Variants in ESCO1 observed in about 807,000 individuals in gnomAD.
The protein encoded by ESCO1 is N-acetyltransferase ESCO1.
Under a neutral mutation model 83.5 loss-of-function variants are expected in ESCO1, and 33 were observed. The ratio of observed to expected loss-of-function variants is 0.40; its 90% CI spans 0.30 to 0.53. ESCO1 has a LOEUF of 0.53. Among genes scored for constraint, ESCO1 ranks in the 20% least tolerant of loss-of-function variants. The probability of loss-of-function intolerance (pLI) is 0.63; values close to 1 mark genes in which losing one functional copy is unlikely to be tolerated. For synonymous variants in ESCO1, 332 were observed against 324.3 expected (o/e 1.02, Z -0.25); for missense variants, 855 against 968.0 (o/e 0.88, Z 1.55).
chr18:21,574,641 G>A lies in ESCO1; in HGVS notation c.203C>T (p.Thr68Ile). Residue 68 changes from threonine to isoleucine, a missense_variant, in exon 4 of 12, where the codon ACA becomes ATA. Physicochemically the swap from Thr to Ile is moderately conservative, Grantham distance 89. Transcript: ENST00000269214. ...ATTAGATGCTGCCTTTGATGACCTTGTACTCATGCGTGTTTCCAATTCTGG... is the reference window on the plus strand; with the variant it reads ...ATTAGATGCTGCCTTTGATGACCTTATACTCATGCGTGTTTCCAATTCTGG... ...NQPELETRMS[T>I]RSSKAASNDK... The A allele has an allele frequency of 2.5e-6, 4 of 1,613,848 alleles. No homozygotes were observed. Among genetic ancestry groups the A allele is most frequent in the Non-Finnish European group, 3.4e-6 (4 of 1,179,988 alleles).
At chr18:21,530,625 C>A in intron 11 of ESCO1, 135 bp from the exon 12 acceptor site, 2 of 667,562 alleles carry the variant, frequency 3.0e-6, no homozygotes, top group Non-Finnish European at 2.2e-6. Context: ...GCTGTATGTG[C>A]TCAAAATTTT....
Position 21,568,090 on chromosome 18 carries a change from A to G in ESCO1, c.1535T>C (p.Phe512Ser). Residue 512 changes from phenylalanine (F) to serine (S), a missense_variant, in exon 5 of 12, where the codon TTC (phenylalanine) becomes TCC (serine). Physicochemically the swap from Phe to Ser is radical, Grantham distance 155. This residue lies in a region of ESCO1 where 726 missense variants were observed against 699.5 expected (regional missense o/e 1.04). Coordinates refer to ENST00000269214, the MANE Select transcript of ESCO1 (RefSeq NM_052911.3). ...TAGCTTGGATTCCAAACATTGGCTG[A>G]AATTCTGAACACATATAATTCAAAA... ...HSFDSASNKN[F>S]SQCLESKLEN... is the part of the protein sequence containing the mutation. The G allele has an allele frequency of 6.2e-7, 1 of 1,612,580 alleles. No individual in the cohort carries two copies. Among genetic ancestry groups the G allele is most frequent in the South Asian group, 1.1e-5 (1 of 90,870 alleles).
At chr18:21,598,936 C>T (rs1022269533) in intron 1 of ESCO1, among the ~76,000 whole-genome samples, 2 of 152,066 alleles carry the variant, frequency 1.3e-5, no homozygotes, top group African/African-American at 4.8e-5. Context: ...TCCTCATTTC[C>T]TCACATGCTC....
chr18:21,557,671 G>A (rs1488892791), intron 8 of ESCO1, among the ~76,000 whole-genome samples: 1 of 152,026 alleles, frequency 6.6e-6, no homozygotes, highest in Non-Finnish European at 1.5e-5. Context: ...GATAATACAG[G>A]AAAAAAGGAT....
At chr18:21,548,260 A>C (rs1461856935) in intron 8 of ESCO1, among the ~76,000 whole-genome samples, 1 of 152,182 alleles carries the variant, frequency 6.6e-6, no homozygotes, top group African/African-American at 2.4e-5. Flanking sequence ...TGGGAGGCCA[A>C]GGCAGGACAA....
At chr18:21,592,854 G>C (rs1413638766) in intron 1 of ESCO1, among the ~76,000 whole-genome samples, 1 of 151,392 alleles carries the variant, frequency 6.6e-6, no homozygotes, top group African/African-American at 2.4e-5. Flanking sequence ...GCCGGGCAGA[G>C]GGTCTCCTCC....
chr18:21,568,624 C>T (rs182194314), intron 4 of ESCO1, among the ~76,000 whole-genome samples: 95 of 152,252 alleles, frequency 6.2e-4, no homozygotes, highest in Admixed American at 6.2e-3. Context: ...AGCACCCAGC[C>T]GGGCACAGTG....
chr18:21,551,284 CACAGAGAAACCCTGTCTCT>C (rs1170539108), intron 8 of ESCO1, among the ~76,000 whole-genome samples: 34 of 152,004 alleles, frequency 2.2e-4, no homozygotes, highest in African/African-American at 7.5e-4. Flanking sequence ...TCCTGGCTAA[CACAGAGAAACCCTGTCTCT>C]ACTAAAAATA....
intron 8 of ESCO1, among the ~76,000 whole-genome samples, chr18:21,551,080 C>A (rs1348421095): frequency 6.7e-6 from 1 of 150,366 alleles, no homozygotes; most frequent in Non-Finnish European, 1.5e-5. Flanking sequence ...CCACTGCACT[C>A]CAGCCTGGGC....
Position 21,575,105 on chromosome 18 carries a change from A to T in ESCO1, c.-262T>A, listed in dbSNP as rs2038402096. On this transcript the variant is annotated 5_prime_UTR_variant, in exon 4 of 12. Coordinates refer to ENST00000269214, the MANE Select transcript of ESCO1 (RefSeq NM_052911.3). Reference sequence around the variant, plus strand: ...ACAAGGTAATAAAAATTTGAGGAAAATTTTGATTATTTTTAATAAGTTTTT... The same window carrying T: ...ACAAGGTAATAAAAATTTGAGGAAATTTTTGATTATTTTTAATAAGTTTTT... 2 of 368,658 alleles carry T rather than the reference A, an allele frequency of 5.4e-6. No homozygotes were observed. Among genetic ancestry groups the T allele is most frequent in the East Asian group, 4.0e-5 (1 of 25,158 alleles). 22.8% of individuals were successfully genotyped at this position (368,658 alleles called of 1,614,324 possible).
Position 21,573,537 on chromosome 18 carries a change from C to T in ESCO1, c.1307G>A (p.Ser436Asn). 1 of 1,613,938 alleles carries T rather than the reference C, an allele frequency of 6.2e-7. No individual in the cohort carries two copies. Residue 436 changes from serine (S) to asparagine (N), a missense_variant, in exon 4 of 12, where the codon AGT (serine) becomes AAT (asparagine). Physicochemically the swap from Ser to Asn is conservative, Grantham distance 46. This residue lies in a region of ESCO1 where 726 missense variants were observed against 699.5 expected (regional missense o/e 1.04). Coordinates refer to ENST00000269214, the MANE Select transcript of ESCO1 (RefSeq NM_052911.3). ...ALEMHHPVTQSTFLGTKLHDR... is the reference protein window; with the variant it reads ...ALEMHHPVTQNTFLGTKLHDR... ...ATGTAGCTTTGTCCCTAAAAACGTA[C>T]TTTGAGTCACTGGATGATGCATTTC...
intron 9 of ESCO1, among the ~76,000 whole-genome samples, chr18:21,538,877 A>T (rs1398446244): frequency 1.3e-5 from 2 of 152,134 alleles, no homozygotes; most frequent in Non-Finnish European, 2.9e-5. Flanking sequence ...CATACTGAGT[A>T]TATTATTTGA....
rs189075573 is a variant in ESCO1, at chr18:21,559,283, G to C, written c.1953+1576C>G. Among the ~76,000 whole-genome samples, 529 of 152,328 alleles carry C rather than the reference G, an allele frequency of 3.5e-3. 1 individual carries two copies. Among genetic ancestry groups the C allele is most frequent in the South Asian group, 0.018 (87 of 4,832 alleles). Reference sequence around the variant, plus strand: ...AACCCATGGCTCTGTCCCATCAAGGGGGGGTTGGAGGAGGGGTCTGGCTGG... The same window carrying C: ...AACCCATGGCTCTGTCCCATCAAGGCGGGGTTGGAGGAGGGGTCTGGCTGG... On this transcript the variant is annotated intron_variant, in intron 8 of 11. Coordinates refer to ENST00000269214, the MANE Select transcript of ESCO1 (RefSeq NM_052911.3).
chr18:21,600,109 G>C (rs1598485570), intron 1 of ESCO1, among the ~76,000 whole-genome samples: 1 of 152,358 alleles, frequency 6.6e-6, no homozygotes, highest in East Asian at 1.9e-4. Context: ...AAACTGCAGA[G>C]GCCTCCAGGC....
At chr18:21,561,811 T>C (rs2038189839) in intron 7 of ESCO1, among the ~76,000 whole-genome samples, 1 of 151,926 alleles carries the variant, frequency 6.6e-6, no homozygotes, top group Non-Finnish European at 1.5e-5. Flanking sequence ...CAAGCGATCC[T>C]CCTGCCTCGG....
intron 4 of ESCO1, among the ~76,000 whole-genome samples, chr18:21,572,925 T>C (rs1343697226): frequency 6.6e-6 from 1 of 151,384 alleles, no homozygotes; most frequent in Non-Finnish European, 1.5e-5. Flanking sequence ...GATTGTGCCA[T>C]TGCATGCCAG....
intron 1 of ESCO1, among the ~76,000 whole-genome samples, chr18:21,598,779 T>C (rs2038800101): frequency 6.6e-6 from 1 of 152,144 alleles, no homozygotes; most frequent in East Asian, 1.9e-4. Flanking sequence ...ATAGCATATT[T>C]TCCTCAGTTA....
chr18:21,543,268 C>T (rs1185899414), intron 8 of ESCO1, among the ~76,000 whole-genome samples: 4 of 152,178 alleles, frequency 2.6e-5, no homozygotes, highest in Non-Finnish European at 4.4e-5. Context: ...AATTCTCCTG[C>T]CTCAGCCTCC....
intron 1 of ESCO1, among the ~76,000 whole-genome samples, chr18:21,591,549 TTTC>T (rs1245924563): frequency 6.6e-6 from 1 of 152,242 alleles, no homozygotes; most frequent in Non-Finnish European, 1.5e-5. Context: ...TCAAACTTTC[TTTC>T]TTCATTGTTG....
Sources: allele counts gnomAD v4.1 joint callset (sites outside exome capture counted in the v4.1 genomes callset), GRCh38; gene constraint gnomAD v4.1.1; regional missense constraint gnomAD v4.1.1; transcripts MANE v1.5; gene names NCBI Gene and HGNC (gene_info 2026-07-23, HGNC 2026-07-21).